RNF217: variants seen among roughly 807,000 people sequenced by gnomAD.
RNF217 encodes ring finger protein 217.
A neutral mutation model predicts 57.8 loss-of-function variants in RNF217; 31 were observed. The observed-to-expected ratio is 0.54, with a 90% CI of 0.40 to 0.72. The LOEUF (loss-of-function observed/expected upper bound fraction) is 0.72, where lower values mean the gene tolerates loss of function less well. Among genes scored for constraint, RNF217 ranks in the 30% least tolerant of loss-of-function variants. The pLI, the probability that RNF217 is intolerant of heterozygous loss-of-function variation, is 0.00. For synonymous variants in RNF217, 313 were observed against 294.0 expected, an observed-to-expected ratio of 1.06 and a Z score of -0.66; for missense variants, 696 against 708.3, an observed-to-expected ratio of 0.98 and a Z score of 0.20.
rs34412026 is a variant in RNF217, at chr6:125,088,014, C to CTTTTTTT, written c.*5093_*5099dup. 2 of 100,852 alleles carry CTTTTTTT rather than the reference C, an allele frequency of 2.0e-5. No individual in the cohort carries two copies. Among genetic ancestry groups the CTTTTTTT allele is most frequent in the Non-Finnish European group, 3.9e-5 (2 of 51,726 alleles). The allele number at this position is 100,852 out of a possible 1,614,324, so 6.2% of individuals were successfully genotyped here. A position where few individuals can be genotyped will look rare whatever the true frequency, so the allele number is the denominator to read the frequency against. On this transcript the variant is annotated 3_prime_UTR_variant, in exon 6 of 6. Transcript: ENST00000521654. ...AATATGGAAAATAAGTTACAAAATT[C>CTTTTTTT]TTTTTTTTTTTTTTTTTTTTTTGAG...
intron 1 of RNF217, among the ~76,000 whole-genome samples, chr6:125,040,942 C>T (rs1197539576): frequency 1.3e-5 from 2 of 152,050 alleles, no homozygotes; most frequent in African/African-American, 4.8e-5. Context: ...TGGAATATAT[C>T]TCAAAATAAT....
At chr6:125,048,800 C>A (rs922466345) in intron 2 of RNF217, among the ~76,000 whole-genome samples, 4 of 152,136 alleles carry the variant, frequency 2.6e-5, no homozygotes, top group Non-Finnish European at 5.9e-5. Flanking sequence ...AGAACTCTTA[C>A]CTGTCCATTT....
intron 3 of RNF217, among the ~76,000 whole-genome samples, chr6:125,062,842 T>C (rs1787790286): frequency 6.6e-6 from 1 of 152,146 alleles, no homozygotes; most frequent in Non-Finnish European, 1.5e-5. Context: ...TCCCAAAGTG[T>C]TGGATTACAG....
intron 1 of RNF217, among the ~76,000 whole-genome samples, chr6:124,994,409 C>A (rs1562458134): frequency 1.3e-5 from 2 of 152,166 alleles, no homozygotes; most frequent in Admixed American, 1.3e-4. Flanking sequence ...GACATAATTA[C>A]ACCTAAATAA....
At chr6:125,033,351 C>G (rs28374785) in intron 1 of RNF217, among the ~76,000 whole-genome samples, 1 of 119,454 alleles carries the variant, frequency 8.4e-6, no homozygotes, top group East Asian at 3.0e-4. Flanking sequence ...CCCCTCCCCC[C>G]ACCCCACAAC....
chr6:124,973,863 C>G (rs1014283226), intron 1 of RNF217, among the ~76,000 whole-genome samples: 2 of 152,138 alleles, frequency 1.3e-5, no homozygotes, highest in Non-Finnish European at 2.9e-5. Context: ...CATTGTGGGT[C>G]AGGAATTTGG....
intron 1 of RNF217, among the ~76,000 whole-genome samples, chr6:125,032,546 G>A (rs1316730163): frequency 6.6e-6 from 1 of 151,768 alleles, no homozygotes; most frequent in Non-Finnish European, 1.5e-5. Flanking sequence ...TAACATTTGG[G>A]TTAAATATTT....
chr6:125,074,297 G>GATAGA (rs1788267240), intron 3 of RNF217, among the ~76,000 whole-genome samples: 4 of 144,766 alleles, frequency 2.8e-5, no homozygotes, highest in Non-Finnish European at 4.5e-5. Flanking sequence ...CAGAAGATAG[G>GATAGA]TAGATAGATA....
chr6:125,052,349 TG>T (rs1373504097), intron 2 of RNF217, among the ~76,000 whole-genome samples: 1 of 151,512 alleles, frequency 6.6e-6, no homozygotes, highest in Non-Finnish European at 1.5e-5. Flanking sequence ...TGTTTTGTTT[TG>T]TTTTGGTCTG....
intron 5 of RNF217, chr6:125,082,312 T>G: frequency 1.2e-6 from 1 of 858,224 alleles, no homozygotes; most frequent in African/African-American, 1.8e-5. Flanking sequence ...CTAAATAAAA[T>G]GATTTTCGTA....
chr6:124,966,791 G>A (rs1343683523), intron 1 of RNF217, among the ~76,000 whole-genome samples: 3 of 152,208 alleles, frequency 2.0e-5, no homozygotes, highest in African/African-American at 7.2e-5. Context: ...TTTCAGCAGT[G>A]CCATGGACTA....
intron 3 of RNF217, among the ~76,000 whole-genome samples, chr6:125,071,532 G>A (rs62433883): frequency 0.48 from 64,130 of 134,236 alleles, 14,443 homozygotes; most frequent in Middle Eastern, 0.54. Flanking sequence ...GTGTGTGTGT[G>A]TGTGTATATC....
chr6:125,024,349 G>A (rs1785978932), intron 1 of RNF217, among the ~76,000 whole-genome samples: 2 of 152,304 alleles, frequency 1.3e-5, no homozygotes, highest in South Asian at 4.1e-4. Context: ...TTGGGAGGCT[G>A]AGGCAGGCGG....
At chr6:124,994,637 A>G (rs1784679358) in intron 1 of RNF217, among the ~76,000 whole-genome samples, 1 of 152,210 alleles carries the variant, frequency 6.6e-6, no homozygotes, top group Non-Finnish European at 1.5e-5. Flanking sequence ...GGTAGATACA[A>G]AAGTTTCTAC....
intron 2 of RNF217, chr6:125,048,216 CACCCTGTACTGA>C: frequency 1.5e-6 from 2 of 1,356,002 alleles, no homozygotes; most frequent in Non-Finnish European, 2.0e-6. Context: ...CACAGTATGG[CACCCTGTACTGA>C]GACTAAGATC....
chr6:124,972,675 C>G (rs1318871979), intron 1 of RNF217, among the ~76,000 whole-genome samples: 1 of 152,020 alleles, frequency 6.6e-6, no homozygotes, highest in Non-Finnish European at 1.5e-5. Flanking sequence ...GAAGTTCTGT[C>G]TTAGGGGAAT....
intron 3 of RNF217, among the ~76,000 whole-genome samples, chr6:125,058,563 T>C (rs966389945): frequency 2.0e-5 from 3 of 152,204 alleles, no homozygotes; most frequent in Non-Finnish European, 4.4e-5. Context: ...CTGATTGTTT[T>C]GCTTTTTTGC....
In RNF217 at chr6:125,071,484, A is replaced by ATGTGTGTG. The variant is rs61496685; in HGVS notation, c.1282-5127_1282-5120dup. Reference sequence around the variant, plus strand: ...TTCAACTTGGAGCATCTGCCTACATATGTGTGTGTGTGTGTGTGTGTGTGT... The same window carrying ATGTGTGTG: ...TTCAACTTGGAGCATCTGCCTACATATGTGTGTGTGTGTGTGTGTGTGTGTGTGTGTGT... On this transcript the variant is annotated intron_variant, in intron 3 of 5. Coordinates refer to ENST00000521654, the MANE Select transcript of RNF217 (RefSeq NM_001286398.3). 4.8e-4 allele frequency among the ~76,000 whole-genome samples: 66 copies of ATGTGTGTG among 136,834 alleles called. 1 individual carries two copies. The East Asian group carries it at 5.2e-3, about 11-fold the overall frequency. The allele number at this position is 136,834 out of a possible 152,430, so 89.8% of individuals were successfully genotyped here. A position where few individuals can be genotyped will look rare whatever the true frequency, so the allele number is the denominator to read the frequency against.
chr6:125,002,245 C>T (rs929711310), intron 1 of RNF217, among the ~76,000 whole-genome samples: 1 of 152,132 alleles, frequency 6.6e-6, no homozygotes, highest in African/African-American at 2.4e-5. Context: ...TCTTGTGTGG[C>T]TGCTGAGGAA....
Sources: gnomAD v4.1 joint callset for allele counts (sites outside exome capture counted in the v4.1 genomes callset) on GRCh38, gnomAD v4.1.1 for gene constraint, MANE v1.5 for transcripts, NCBI Gene and HGNC (gene_info 2026-07-23, HGNC 2026-07-21) for gene names.